Variants in ANKRD13B observed in about 807,000 individuals in gnomAD.
The protein encoded by ANKRD13B is ankyrin repeat domain 13B.
Under a neutral mutation model 74.4 loss-of-function variants are expected in ANKRD13B, and 33 were observed. That is an observed-to-expected ratio of 0.44 (90% CI 0.34 to 0.59). The LOEUF is 0.59. Among genes scored for constraint, ANKRD13B ranks in the 20% least tolerant of loss-of-function variants. The pLI, the probability that ANKRD13B is intolerant of heterozygous loss-of-function variation, is 0.02. For missense variants in ANKRD13B, 676 were observed against 877.9 expected (o/e 0.77, Z 2.91); for synonymous variants, 341 against 362.9 (o/e 0.94, Z 0.68).
At chr17:29,600,152 A>G (rs948314724) in intron 1 of ANKRD13B, among the ~76,000 whole-genome samples, 1 of 152,118 alleles carries the variant, frequency 6.6e-6, no homozygotes, top group African/African-American at 2.4e-5. Context: ...CTGGGATTAC[A>G]GGCGTGAGCC....
intron 1 of ANKRD13B, among the ~76,000 whole-genome samples, chr17:29,602,129 C>T (rs2034202221): frequency 6.6e-6 from 1 of 152,124 alleles, no homozygotes; most frequent in South Asian, 2.1e-4. Context: ...GGTGTGGTGG[C>T]TCACGCCTGT....
chr17:29,607,291 T>A (rs2034423828), intron 1 of ANKRD13B, among the ~76,000 whole-genome samples: 2 of 152,218 alleles, frequency 1.3e-5, no homozygotes. Context: ...AGTGATAATG[T>A]CAGTGATCTA....
At chr17:29,602,178 G>A (rs918653155) in intron 1 of ANKRD13B, among the ~76,000 whole-genome samples, 2 of 152,088 alleles carry the variant, frequency 1.3e-5, no homozygotes, top group Admixed American at 6.6e-5. Flanking sequence ...GGCGGATCAC[G>A]AGGTCAGGAG....
At chr17:29,598,209 C>T (rs2034027191) in intron 1 of ANKRD13B, among the ~76,000 whole-genome samples, 1 of 152,136 alleles carries the variant, frequency 6.6e-6, no homozygotes, top group Admixed American at 6.5e-5. Flanking sequence ...AGGGGCCAGG[C>T]CCGCTGGTTT....
rs2034616581 is a variant in ANKRD13B, at chr17:29,612,460, C to T, written c.1317C>T (p.Cys439=). The T allele has an allele frequency of 1.2e-6, 2 of 1,605,000 alleles. No homozygotes were observed. Among genetic ancestry groups the T allele is most frequent in the Non-Finnish European group, 8.5e-7 (1 of 1,175,814 alleles). Residue 439 remains cysteine (C), a synonymous_variant, in exon 12 of 15, where the codon TGC becomes TGT. Transcript: ENST00000394859. The surrounding 1 kb of genome is among the most constrained non-coding windows in gnomAD (Gnocchi z 6.1). ...ARITFGNLNG[C]DEPVPSVRGS... is the part of the protein sequence containing the mutation. ...TCACCTTCGGGAACCTCAACGGCTG[C>T]GACGAACCGGTGCCATCGGTGCGAG...
chr17:29,609,533 G>C lies in ANKRD13B; in HGVS notation c.822+112G>C. ...CCTGGAGGTACAGAAGCAATGCAGC[G>C]TGGTCAAGCACTTATATTTGGGTTC... On this transcript the variant is annotated intron_variant, in intron 7 of 14. Coordinates refer to ENST00000394859, the MANE Select transcript of ANKRD13B (RefSeq NM_152345.5). This position sits in a 1 kb window ranked among gnomAD's most constrained non-coding sequence, Gnocchi z 4.0. 5 of 1,297,686 alleles carry C rather than the reference G, an allele frequency of 3.9e-6. No homozygotes were observed. The highest frequency in any genetic ancestry group is 5.4e-6 in the Non-Finnish European group (5 of 931,106). 80.4% of individuals were successfully genotyped at this position (1,297,686 alleles called of 1,614,324 possible). A position where few individuals can be genotyped will look rare whatever the true frequency, so the allele number is the denominator to read the frequency against.
rs2034609992 is a variant in ANKRD13B at position 29,612,342 on chromosome 17, GGGCTGA to G, written c.1259-51_1259-46del. 1.9e-6 allele frequency: 3 copies of G among 1,610,396 alleles called. No homozygotes were observed. Among genetic ancestry groups the G allele is most frequent in the Admixed American group, 1.7e-5 (1 of 59,902 alleles). Reference sequence around the variant, plus strand: ...CCGGGGTTTAGATGAGGTCGGGGTGGGGCTGAGGCTGAGGTGTGAGGGGCTGAGTGG... The same window carrying G: ...CCGGGGTTTAGATGAGGTCGGGGTGGGGCTGAGGTGTGAGGGGCTGAGTGG... On this transcript the variant is annotated intron_variant, in intron 11 of 14. Transcript: ENST00000394859. The surrounding 1 kb of genome is among the most constrained non-coding windows in gnomAD (Gnocchi z 6.1).
chr17:29,593,895 A>ATGGGAGCGGGCCATGCCCGC, intron 1 of ANKRD13B, 160 bp downstream of exon 1: 1 of 315,506 alleles, frequency 3.2e-6, no homozygotes, highest in Non-Finnish European at 5.6e-6. Flanking sequence ...GGAAAGGGTG[A>ATGGGAGCGGGCCATGCCCGC]TCCCCTCCGG....
Position 29,609,959 on chromosome 17 carries a change from C to T in ANKRD13B, c.822+538C>T, listed in dbSNP as rs1403918191. Reference sequence around the variant, plus strand: ...CTGTAATCCCAGCGCTTTGGGAGGCCGAGGTGAGCGGATCACCTGAGGTCA... The same window carrying T: ...CTGTAATCCCAGCGCTTTGGGAGGCTGAGGTGAGCGGATCACCTGAGGTCA... On this transcript the variant is annotated intron_variant, in intron 7 of 14. Coordinates refer to ENST00000394859, the MANE Select transcript of ANKRD13B (RefSeq NM_152345.5). The surrounding 1 kb of genome is among the most constrained non-coding windows in gnomAD (Gnocchi z 4.0). Among the ~76,000 whole-genome samples the T allele has an allele frequency of 1.3e-5, 2 of 151,962 alleles. No individual in the cohort carries two copies. Among genetic ancestry groups the T allele is most frequent in the African/African-American group, 2.4e-5 (1 of 41,366 alleles).
chr17:29,609,137 C>G lies in ANKRD13B; in HGVS notation c.617C>G (p.Thr206Arg). 6.2e-7 allele frequency: 1 copy of G among 1,612,422 alleles called. No individual in the cohort carries two copies. Among genetic ancestry groups the G allele is most frequent in the Non-Finnish European group, 8.5e-7 (1 of 1,180,020 alleles). Residue 206 changes from threonine (T) to arginine (R), a missense_variant, in exon 6 of 15, where the codon ACA becomes AGA. By Grantham distance (71) the Thr-to-Arg change is moderately conservative. Coordinates refer to ENST00000394859, the MANE Select transcript of ANKRD13B (RefSeq NM_152345.5). This position sits in a 1 kb window ranked among gnomAD's most constrained non-coding sequence, Gnocchi z 4.0. ...GACCACGACCGCCGGGTGGTGTACACAGAGACTCTGGCACTGGCTGGGCAG... is the reference window on the plus strand; with the variant it reads ...GACCACGACCGCCGGGTGGTGTACAGAGAGACTCTGGCACTGGCTGGGCAG... ...EIDHDRRVVYTETLALAGQDR... is the reference protein window; with the variant it reads ...EIDHDRRVVYRETLALAGQDR...
intron 14 of ANKRD13B, 41 bp from the exon 15 acceptor site, chr17:29,613,313 G>C (rs2034674765): frequency 7.2e-7 from 1 of 1,390,438 alleles, no homozygotes; most frequent in Non-Finnish European, 9.2e-7. Flanking sequence ...CCGGTGGGTG[G>C]GTGCGCCCGG....
intron 1 of ANKRD13B, among the ~76,000 whole-genome samples, chr17:29,600,715 C>T (rs1202502160): frequency 6.6e-6 from 1 of 151,894 alleles, no homozygotes; most frequent in Non-Finnish European, 1.5e-5. Flanking sequence ...GCAGGTCCTA[C>T]CTACACCTTT....
chr17:29,596,362 C>T (rs567581640), intron 1 of ANKRD13B, among the ~76,000 whole-genome samples: 2 of 152,356 alleles, frequency 1.3e-5, no homozygotes, highest in Admixed American at 1.3e-4. Context: ...CGGTGCCCTG[C>T]TTGCCGCTAT....
At position 29,609,194 on chromosome 17, in the gene ANKRD13B, C is replaced by T. The variant is rs1452076691; in HGVS notation, c.674C>T (p.Pro225Leu). 1 of 1,612,686 alleles carries T rather than the reference C, an allele frequency of 6.2e-7. No individual in the cohort carries two copies. The highest frequency in any genetic ancestry group is 8.5e-7 in the Non-Finnish European group (1 of 1,180,022). ...DRELLLAAAQ[P>L]TEEQVLSRLT... Reference sequence around the variant, plus strand: ...GAGCTGCTGCTGGCTGCTGCTCAGCCCACTGAGGAACAGGTGCTGAGCCGG... The same window carrying T: ...GAGCTGCTGCTGGCTGCTGCTCAGCTCACTGAGGAACAGGTGCTGAGCCGG... Residue 225 changes from proline (P) to leucine (L), a missense_variant, in exon 6 of 15, where the codon CCC (proline) becomes CTC (leucine). Transcript: ENST00000394859. This position sits in a 1 kb window ranked among gnomAD's most constrained non-coding sequence, Gnocchi z 4.0.
chr17:29,595,423 G>A (rs2033919001), intron 1 of ANKRD13B, among the ~76,000 whole-genome samples: 1 of 152,214 alleles, frequency 6.6e-6, no homozygotes, highest in Admixed American at 6.5e-5. Flanking sequence ...GAATGCCTCA[G>A]TCCCACTCCC....
At position 29,612,468 on chromosome 17, in the gene ANKRD13B, C is replaced by T; in HGVS notation, c.1325C>T (p.Pro442Leu). Residue 442 changes from proline (P) to leucine (L), a missense_variant, in exon 12 of 15, where the codon CCG becomes CTG. Physicochemically the swap from Pro to Leu is moderately conservative, Grantham distance 98. This residue lies in a region of ANKRD13B where 152 missense variants were observed against 181.4 expected (regional missense o/e 0.84). Coordinates refer to ENST00000394859, the MANE Select transcript of ANKRD13B (RefSeq NM_152345.5). The surrounding 1 kb of genome is among the most constrained non-coding windows in gnomAD (Gnocchi z 6.1). ...GGGAACCTCAACGGCTGCGACGAAC[C>T]GGTGCCATCGGTGCGAGGCAGCCCC... ...TFGNLNGCDE[P>L]VPSVRGSPSS... The T allele has an allele frequency of 1.9e-6, 3 of 1,598,922 alleles. No homozygotes were observed. Among genetic ancestry groups the T allele is most frequent in the Non-Finnish European group, 2.6e-6 (3 of 1,172,784 alleles).
chr17:29,608,127 C>G lies in ANKRD13B; in HGVS notation c.375+17C>G, dbSNP rs2034454094. The G allele has an allele frequency of 6.2e-7, 1 of 1,613,568 alleles. No individual in the cohort carries two copies. The highest frequency in any genetic ancestry group is 8.5e-7 in the Non-Finnish European group (1 of 1,179,732). ...CTGCGCAAGGTGAGGCCCAGCCTCT[C>G]AGCCTCCACGGGAGCCCTTGAGCCC... On this transcript the variant is annotated intron_variant, in intron 3 of 14. Coordinates refer to ENST00000394859, the MANE Select transcript of ANKRD13B (RefSeq NM_152345.5). This position sits in a 1 kb window ranked among gnomAD's most constrained non-coding sequence, Gnocchi z 6.4.
At chr17:29,607,025 A>G (rs1216731552) in intron 1 of ANKRD13B, among the ~76,000 whole-genome samples, 1 of 152,034 alleles carries the variant, frequency 6.6e-6, no homozygotes, top group Non-Finnish European at 1.5e-5. Context: ...ACTCCAGCCT[A>G]GCCAACAGAG....
chr17:29,613,692 C>T lies in ANKRD13B; in HGVS notation c.*110C>T. ...GAGCGGCGGCTGGAGACTGGAGCCA[C>T]CGCCTCGCGGGTGCAGCAGCACAGC... On this transcript the variant is annotated 3_prime_UTR_variant, in exon 15 of 15. Coordinates refer to ENST00000394859, the MANE Select transcript of ANKRD13B (RefSeq NM_152345.5). 3 of 1,364,766 alleles carry T rather than the reference C, an allele frequency of 2.2e-6. No homozygotes were observed. The highest frequency in any genetic ancestry group is 2.8e-6 in the Non-Finnish European group (3 of 1,061,424). The allele number at this position is 1,364,766 out of a possible 1,614,324, so 84.5% of individuals were successfully genotyped here.
Sources: allele counts gnomAD v4.1 joint callset (sites outside exome capture counted in the v4.1 genomes callset), GRCh38; gene constraint gnomAD v4.1.1; regional missense constraint gnomAD v4.1.1; non-coding constraint Gnocchi (gnomAD v3.1); transcripts MANE v1.5; gene names NCBI Gene and HGNC (gene_info 2026-07-23, HGNC 2026-07-21).